Variants in SETD2 observed in about 807,000 individuals in gnomAD.
SETD2 encodes SET domain containing 2, histone lysine methyltransferase, also known as histone-lysine N-methyltransferase SETD2.
Under a neutral mutation model 242.1 loss-of-function variants are expected in SETD2, and 31 were observed. That is an observed-to-expected ratio of 0.13 (90% CI 0.10 to 0.17). The LOEUF (loss-of-function observed/expected upper bound fraction) is 0.17, where lower values mean the gene tolerates loss of function less well. SETD2 is among the 10% of genes least tolerant of loss of function. The pLI is 1.00. For synonymous variants in SETD2, 1,006 were observed against 1,066.5 expected (o/e 0.94, Z 1.11); for missense variants, 2,481 against 3,046.3 (o/e 0.81, Z 4.37).
At chr3:47,059,364 C>T (rs895897858) in intron 14 of SETD2, among the ~76,000 whole-genome samples, 16 of 151,982 alleles carry the variant, frequency 1.1e-4, no homozygotes, top group Non-Finnish European at 1.9e-4. Flanking sequence ...GATCCGCCCG[C>T]CTCAGCCTCC....
chr3:47,069,519 G>T (rs1185202329), intron 12 of SETD2, among the ~76,000 whole-genome samples: 1 of 152,158 alleles, frequency 6.6e-6, no homozygotes, highest in Non-Finnish European at 1.5e-5. Context: ...CTCCTCAGAT[G>T]ATTCTGATGC....
At chr3:47,050,904 T>C (rs1301608949) in intron 15 of SETD2, among the ~76,000 whole-genome samples, 1 of 151,656 alleles carries the variant, frequency 6.6e-6, no homozygotes, top group Non-Finnish European at 1.5e-5. Context: ...CTAATTTTTT[T>C]GTATTTTTAG....
At chr3:47,160,932 T>C (rs1212482573) in intron 1 of SETD2, among the ~76,000 whole-genome samples, 1 of 152,206 alleles carries the variant, frequency 6.6e-6, no homozygotes, top group Non-Finnish European at 1.5e-5. Context: ...TCTATGCTGC[T>C]GAATAAAAAA....
intron 7 of SETD2, among the ~76,000 whole-genome samples, chr3:47,102,772 C>CAAA (rs5848821): frequency 3.2e-4 from 31 of 97,828 alleles, no homozygotes; most frequent in East Asian, 8.9e-4. Flanking sequence ...CCAGCCTGGG[C>CAAA]AAAAAAAAAA....
rs2107637715 is a variant in SETD2 at position 47,083,788 on chromosome 3, G to C, written c.5992C>G (p.Gln1998Glu). 1 of 1,614,112 alleles carries C rather than the reference G, an allele frequency of 6.2e-7. No homozygotes were observed. Among genetic ancestry groups the C allele is most frequent in the Non-Finnish European group, 8.5e-7 (1 of 1,179,994 alleles). The change falls in exon 12 of 21, where the codon CAG becomes GAG. Residue 1998 changes from glutamine (Q) to glutamate (E), a missense_variant. Around this residue, in one of 17 missense-constraint regions of SETD2, gnomAD observed 203 missense variants for 222.4 expected, o/e 0.91. Coordinates refer to ENST00000409792, the MANE Select transcript of SETD2 (RefSeq NM_014159.7). ...SDVESERSQEQPDKTVDISDL... is the reference protein window; with the variant it reads ...SDVESERSQEEPDKTVDISDL... ...CTTATATCCACTGTTTTATCTGGCT[G>C]TTCTTGGCTCCTTTCACTCTCCACA...
chr3:47,128,320 CA>C (rs1161817811), intron 1 of SETD2, among the ~76,000 whole-genome samples: 1 of 152,206 alleles, frequency 6.6e-6, no homozygotes, highest in African/African-American at 2.4e-5. Context: ...TCAAAAGCCA[CA>C]AGTCTAGTGT....
chr3:47,114,479 T>C (rs2042777982), intron 4 of SETD2, among the ~76,000 whole-genome samples: 2 of 152,182 alleles, frequency 1.3e-5, no homozygotes, highest in African/African-American at 4.8e-5. Flanking sequence ...CAGAATAACA[T>C]GGCATGGCTC....
chr3:47,139,080 C>G (rs777025605), intron 1 of SETD2, among the ~76,000 whole-genome samples: 14 of 152,166 alleles, frequency 9.2e-5, no homozygotes, highest in Non-Finnish European at 8.8e-5. Flanking sequence ...AATCCTCCCT[C>G]CCAAGTCTCC....
chr3:47,107,346 A>G (rs2042467809), intron 5 of SETD2, among the ~76,000 whole-genome samples: 1 of 152,162 alleles, frequency 6.6e-6, no homozygotes, highest in Non-Finnish European at 1.5e-5. Context: ...TCGCCAACTG[A>G]AAAAAATTAA....
At chr3:47,111,356 ACCAGT>A (rs2042645453) in intron 5 of SETD2, among the ~76,000 whole-genome samples, 2 of 152,048 alleles carry the variant, frequency 1.3e-5, no homozygotes, top group African/African-American at 2.4e-5. Context: ...ACAATTAAAA[ACCAGT>A]TATGAGAAGC....
chr3:47,126,602 G>A (rs1225022434), intron 2 of SETD2, 46 bp downstream of exon 2: 4 of 1,002,522 alleles, frequency 4.0e-6, no homozygotes, highest in Non-Finnish European at 4.5e-6. Context: ...AATGTGTTTA[G>A]TGGTCCATCT....
intron 1 of SETD2, among the ~76,000 whole-genome samples, chr3:47,129,384 CTT>C (rs1031504620): frequency 5.3e-5 from 8 of 152,312 alleles, no homozygotes; most frequent in East Asian, 1.9e-4. Context: ...ACTGTTAACA[CTT>C]TGATCTACAG....
intron 6 of SETD2, chr3:47,105,635 A>G (rs1216708418): frequency 4.5e-6 from 2 of 439,626 alleles, no homozygotes; most frequent in South Asian, 3.3e-5. Flanking sequence ...TATATTTTAG[A>G]AATCAGTCGG....
chr3:47,099,810 ACTT>A (rs2042139349), intron 8 of SETD2, among the ~76,000 whole-genome samples: 1 of 152,124 alleles, frequency 6.6e-6, no homozygotes, highest in African/African-American at 2.4e-5. Flanking sequence ...ACAAAGAAAA[ACTT>A]CTTCTCATCA....
chr3:47,100,732 C>T (rs996684814), intron 8 of SETD2, among the ~76,000 whole-genome samples: 6 of 151,592 alleles, frequency 4.0e-5, no homozygotes, highest in East Asian at 2.0e-4. Context: ...GTAACCAGGC[C>T]GGGCGCAGTG....
chr3:47,128,580 T>A (rs1281780926), intron 1 of SETD2, among the ~76,000 whole-genome samples: 2 of 152,136 alleles, frequency 1.3e-5, no homozygotes, highest in African/African-American at 2.4e-5. Context: ...CAAAACCAAG[T>A]AATGACAGGG....
chr3:47,054,145 A>T (rs546398108), intron 15 of SETD2, among the ~76,000 whole-genome samples: 8 of 152,338 alleles, frequency 5.3e-5, no homozygotes, highest in South Asian at 2.1e-4. Flanking sequence ...GAACCACCAC[A>T]GCCCATTTAC....
chr3:47,101,354 G>A, intron 8 of SETD2, 104 bp downstream of exon 8: 1 of 668,742 alleles, frequency 1.5e-6, no homozygotes, highest in Non-Finnish European at 2.6e-6. Context: ...AGAGTTAAGA[G>A]TAAATATAAC....
chr3:47,046,051 G>A (rs898829480), intron 16 of SETD2, among the ~76,000 whole-genome samples: 14 of 151,732 alleles, frequency 9.2e-5, no homozygotes, highest in African/African-American at 3.4e-4. Context: ...ATTTAAAAAC[G>A]GGCCGGGCGT....
Sources: gnomAD v4.1 joint callset for allele counts (sites outside exome capture counted in the v4.1 genomes callset) on GRCh38, gnomAD v4.1.1 for gene constraint, gnomAD v4.1.1 regional missense constraint, MANE v1.5 for transcripts, NCBI Gene and HGNC (gene_info 2026-07-23, HGNC 2026-07-21) for gene names.